UBE2O: variants seen among roughly 807,000 people sequenced by gnomAD.
UBE2O encodes (E3-independent) E2 ubiquitin-conjugating enzyme.
In UBE2O, 15 loss-of-function variants were observed where a neutral mutation model predicts 125.8. The observed-to-expected ratio is 0.12, with a 90% CI of 0.08 to 0.18. UBE2O has a LOEUF of 0.18. Ranked by LOEUF, UBE2O falls within the 10% of genes least tolerant of loss-of-function variation. UBE2O has a pLI of 1.00. For missense variants in UBE2O, 1,280 were observed against 1,723.6 expected (o/e 0.74, Z 4.56); for synonymous variants, 708 against 703.2 (o/e 1.01, Z -0.11).
intron 1 of UBE2O, among the ~76,000 whole-genome samples, chr17:76,411,756 G>A (rs2072520359): frequency 6.6e-6 from 1 of 152,164 alleles, no homozygotes. Context: ...CGCAAGCAGG[G>A]TTCACTGCAG....
At chr17:76,449,526 G>A (rs1158476675) in intron 1 of UBE2O, among the ~76,000 whole-genome samples, 1 of 152,218 alleles carries the variant, frequency 6.6e-6, no homozygotes, top group Admixed American at 6.5e-5. Context: ...AATGAGCTGA[G>A]ATCGTGCCAC....
intron 1 of UBE2O, among the ~76,000 whole-genome samples, chr17:76,449,404 G>A (rs1463006874): frequency 6.6e-5 from 10 of 152,198 alleles, no homozygotes; most frequent in Admixed American, 6.5e-4. Context: ...GCAAACTGCC[G>A]TCTCTACTAA....
At chr17:76,439,430 C>T (rs2073047523) in intron 1 of UBE2O, among the ~76,000 whole-genome samples, 1 of 152,136 alleles carries the variant, frequency 6.6e-6, no homozygotes, top group South Asian at 2.1e-4. Flanking sequence ...ATAACAAGAC[C>T]AAGACGTTAT....
At chr17:76,406,744 A>G (rs2958219) in intron 1 of UBE2O, among the ~76,000 whole-genome samples, 140,704 of 140,704 alleles carry the variant, frequency 1, 70,352 homozygotes, top group Non-Finnish European at 1. Flanking sequence ...GTGTTGCCCA[A>G]ACTGGAGTGC....
chr17:76,401,157 G>A lies in UBE2O; in HGVS notation c.751-3C>T, dbSNP rs748647369. On this transcript the variant is annotated splice_region_variant and splice_polypyrimidine_tract_variant and intron_variant, in intron 5 of 17. Coordinates refer to ENST00000319380, the MANE Select transcript of UBE2O (RefSeq NM_022066.4). ...TAGGAATCATCGAAGAAGAGACCCT[G>A]CGGGATGTGGGGCCAAAGGAAAGTC... The A allele has an allele frequency of 2.5e-6, 4 of 1,613,106 alleles. No individual in the cohort carries two copies. The highest frequency in any genetic ancestry group is 3.3e-5 in the Admixed American group (2 of 60,020).
chr17:76,433,406 C>G (rs1259952047), intron 1 of UBE2O, among the ~76,000 whole-genome samples: 1 of 148,728 alleles, frequency 6.7e-6, no homozygotes, highest in East Asian at 2.0e-4. Context: ...AGAGACAGAA[C>G]ATGGCTTCCA....
chr17:76,433,398 AG>A (rs1323437317), intron 1 of UBE2O, among the ~76,000 whole-genome samples: 8 of 149,128 alleles, frequency 5.4e-5, no homozygotes, highest in African/African-American at 2.0e-4. Context: ...AAACCCACAG[AG>A]ACAGAACATG....
chr17:76,409,639 C>A (rs1299279009), intron 1 of UBE2O, among the ~76,000 whole-genome samples: 1 of 152,098 alleles, frequency 6.6e-6, no homozygotes, highest in Non-Finnish European at 1.5e-5. Context: ...CATGACCTGC[C>A]CTCCTCAGCC....
At chr17:76,403,989 A>G (rs2072375104) in intron 3 of UBE2O, among the ~76,000 whole-genome samples, 1 of 152,210 alleles carries the variant, frequency 6.6e-6, no homozygotes, top group African/African-American at 2.4e-5. Context: ...GAAATCTCTA[A>G]GTCCATACTG....
chr17:76,411,110 T>C (rs945659795), intron 1 of UBE2O, among the ~76,000 whole-genome samples: 37 of 152,286 alleles, frequency 2.4e-4, no homozygotes, highest in African/African-American at 7.5e-4. Flanking sequence ...GGCTCCATCT[T>C]CCAGGTAATA....
rs752300414 is a variant in UBE2O at position 76,405,198 on chromosome 17, C to T, written c.588+8G>A. 1.3e-6 allele frequency: 2 copies of T among 1,596,214 alleles called. No individual in the cohort carries two copies. The highest frequency in any genetic ancestry group is 1.1e-5 in the South Asian group (1 of 89,242). ...AGAAAGGATGATGAGAAGACAGGGC[C>T]GGCTCACCCAGATGTGCTGCAGGTC... On this transcript the variant is annotated splice_region_variant and intron_variant, in intron 3 of 17. Coordinates refer to ENST00000319380, the MANE Select transcript of UBE2O (RefSeq NM_022066.4). The surrounding 1 kb of genome is among the most constrained non-coding windows in gnomAD (Gnocchi z 6.1).
Position 76,399,976 on chromosome 17 carries a change from G to A in UBE2O, c.1156-55C>T. On this transcript the variant is annotated intron_variant, in intron 8 of 17. Coordinates refer to ENST00000319380, the MANE Select transcript of UBE2O (RefSeq NM_022066.4). The surrounding 1 kb of genome is among the most constrained non-coding windows in gnomAD (Gnocchi z 6.9). ...TGTGAGGTGCACCTGGGCAGGCCTG[G>A]CCCTAGGCATCTCAGGCTGGGGGGA... 5 of 1,546,296 alleles carry A rather than the reference G, an allele frequency of 3.2e-6. No individual in the cohort carries two copies. The highest frequency in any genetic ancestry group is 1.3e-5 in the South Asian group (1 of 79,454).
chr17:76,450,698 C>T (rs919058398), intron 1 of UBE2O, among the ~76,000 whole-genome samples: 1 of 152,072 alleles, frequency 6.6e-6, no homozygotes, highest in Non-Finnish European at 1.5e-5. Context: ...CTCAGCTCAC[C>T]GCAACCTCCG....
chr17:76,439,520 C>T (rs1282972850), intron 1 of UBE2O, among the ~76,000 whole-genome samples: 1 of 152,212 alleles, frequency 6.6e-6, no homozygotes, highest in African/African-American at 2.4e-5. Flanking sequence ...GACGTCACTG[C>T]TCTGATGGCC....
At chr17:76,442,484 G>C (rs2073089137) in intron 1 of UBE2O, among the ~76,000 whole-genome samples, 1 of 152,186 alleles carries the variant, frequency 6.6e-6, no homozygotes, top group African/African-American at 2.4e-5. Flanking sequence ...GGAGCAAACT[G>C]GTCATTCATG....
chr17:76,429,441 C>T (rs957208571), intron 1 of UBE2O, among the ~76,000 whole-genome samples: 2 of 145,232 alleles, frequency 1.4e-5, no homozygotes, highest in Non-Finnish European at 3.0e-5. Flanking sequence ...ACTTGGGAGG[C>T]TGAGGTGGGA....
Position 76,400,204 on chromosome 17 carries a change from A to C in UBE2O, c.1098T>G (p.Ile366Met), listed in dbSNP as rs972859202. The C allele has an allele frequency of 1.9e-6, 3 of 1,614,042 alleles. No individual in the cohort carries two copies. Among genetic ancestry groups the C allele is most frequent in the Admixed American group, 1.7e-5 (1 of 60,010 alleles). Residue 366 changes from isoleucine to methionine, a missense_variant, in exon 8 of 18, where the codon ATT (isoleucine) becomes ATG (methionine). Transcript: ENST00000319380. The surrounding 1 kb of genome is among the most constrained non-coding windows in gnomAD (Gnocchi z 4.3). ...VFPAKVEPAK[I>M]AWECPEKNCA... The stretch of plus-strand genomic sequence containing the variant: ...AGTTTTTTTCTGGACATTCCCAGGC[A>C]ATCTTGGCTGGCTCTACCTTGGCTG...
At chr17:76,408,912 C>T (rs2072469454) in intron 1 of UBE2O, among the ~76,000 whole-genome samples, 1 of 151,894 alleles carries the variant, frequency 6.6e-6, no homozygotes, top group Non-Finnish European at 1.5e-5. Flanking sequence ...TTCAACTGTC[C>T]TCATGGGCTC....
intron 1 of UBE2O, chr17:76,430,283 AAGT>A (rs2072884318): frequency 6.6e-6 from 1 of 152,628 alleles, no homozygotes; most frequent in Admixed American, 6.5e-5. Flanking sequence ...TTTCTAGGGG[AAGT>A]AGATTTAAAT....
Sources: gnomAD v4.1 joint callset for allele counts (sites outside exome capture counted in the v4.1 genomes callset) on GRCh38, gnomAD v4.1.1 for gene constraint, Gnocchi (gnomAD v3.1) non-coding constraint, MANE v1.5 for transcripts, NCBI Gene and HGNC (gene_info 2026-07-23, HGNC 2026-07-21) for gene names.